MMP11: variants seen among roughly 807,000 people sequenced by gnomAD.
MMP11 encodes stromelysin-3.
Under a neutral mutation model 49.5 loss-of-function variants are expected in MMP11, and 26 were observed. The ratio of observed to expected loss-of-function variants is 0.52; its 90% CI spans 0.38 to 0.73. The LOEUF (loss-of-function observed/expected upper bound fraction) is 0.73. Ranked by LOEUF, MMP11 falls within the 30% of genes least tolerant of loss-of-function variation. MMP11 has a pLI of 0.00. For synonymous variants in MMP11, 265 were observed against 282.3 expected (o/e 0.94, Z 0.62); for missense variants, 624 against 671.2 (o/e 0.93, Z 0.78).
In MMP11 at chr22:23,781,310, CCCGGCTACCCAGCATTGGCCTCTCG is replaced by C; in HGVS notation, c.979_1003del (p.Gly327ThrfsTer49). 1 of 1,612,992 alleles carries C rather than the reference CCCGGCTACCCAGCATTGGCCTCTCG, an allele frequency of 6.2e-7. No homozygotes were observed. Reference sequence around the variant, plus strand: ...GCGCCTCCGTGGGGGCCAGCTGCAGCCCGGCTACCCAGCATTGGCCTCTCGCCACTGGCAGGGACTGCCCAGCCCT... The same window carrying C: ...GCGCCTCCGTGGGGGCCAGCTGCAGCCCACTGGCAGGGACTGCCCAGCCCT... On this transcript the variant is annotated frameshift_variant, in exon 6 of 8. Transcript: ENST00000215743. LOFTEE classifies it high-confidence loss of function.
rs756383287 is a variant in MMP11, at chr22:23,782,413, C to T, written c.1263C>T (p.Pro421=). The T allele has an allele frequency of 7.4e-6, 12 of 1,613,814 alleles. No homozygotes were observed. The highest frequency in any genetic ancestry group is 3.3e-5 in the South Asian group (3 of 91,078). Residue 421 remains proline (P), a synonymous_variant, in exon 7 of 8, where the codon CCC becomes CCT. Coordinates refer to ENST00000215743, the MANE Select transcript of MMP11 (RefSeq NM_005940.5). ...CCAGCACCCGGCGTGTAGACAGTCC[C>T]GTGCCCCGCAGGGCCACTGACTGGA... ...FHPSTRRVDS[P]VPRRATDWRG...
intron 1 of MMP11, 99 bp downstream of exon 1, chr22:23,773,077 T>G (rs1355091264): frequency 2.8e-6 from 3 of 1,063,692 alleles, no homozygotes; most frequent in Non-Finnish European, 3.4e-6. Context: ...GCGCCCCGGG[T>G]GGCCTCCAGC....
chr22:23,779,854 A>G (rs1016803793), intron 2 of MMP11: 7 of 265,528 alleles, frequency 2.6e-5, no homozygotes, highest in Non-Finnish European at 3.6e-5. Context: ...AGGTGGAGAC[A>G]GTGGTAAGCG....
chr22:23,774,445 G>C (rs1273567434), intron 1 of MMP11, among the ~76,000 whole-genome samples: 1 of 152,178 alleles, frequency 6.6e-6, no homozygotes, highest in Non-Finnish European at 1.5e-5. Flanking sequence ...CTTCAGCAAG[G>C]CTGGGAGAGC....
rs757516181 is a variant in MMP11 at position 23,780,474 on chromosome 22, C to T, written c.454C>T (p.Arg152Cys). 5.6e-6 allele frequency: 9 copies of T among 1,613,872 alleles called. No homozygotes were observed. The highest frequency in any genetic ancestry group is 5.0e-5 in the Admixed American group (3 of 59,998). ...PLTFTEVHEG[R>C]ADIMIDFARY... is the part of the protein sequence containing the mutation. Reference sequence around the variant, plus strand: ...CACCTTTACTGAGGTGCACGAGGGCCGTGCTGACATCATGATCGACTTCGC... The same window carrying T: ...CACCTTTACTGAGGTGCACGAGGGCTGTGCTGACATCATGATCGACTTCGC... Residue 152 changes from arginine to cysteine, a missense_variant, in exon 3 of 8, where the codon CGT becomes TGT. Transcript: ENST00000215743. The surrounding 1 kb of genome is among the most constrained non-coding windows in gnomAD (Gnocchi z 4.6).
chr22:23,774,150 G>A (rs770400415), intron 1 of MMP11, among the ~76,000 whole-genome samples: 1 of 152,214 alleles, frequency 6.6e-6, no homozygotes, highest in East Asian at 1.9e-4. Flanking sequence ...GTGACCCTGG[G>A]TGAATCCTGC....
rs1270508457 is a variant in MMP11 at position 23,780,989 on chromosome 22, C to T, written c.747C>T (p.Asp249=). The T allele has an allele frequency of 3.1e-6, 5 of 1,613,644 alleles. No individual in the cohort carries two copies. Among genetic ancestry groups the T allele is most frequent in the Middle Eastern group, 1.6e-4 (1 of 6,062 alleles). ...ACCCACTGAGTCTCAGCCCAGATGA[C>T]TGCAGGGGCGTTCAACACCTATATG... is the stretch of plus-strand genomic sequence containing the variant. ...FRYPLSLSPD[D]CRGVQHLYGQ... Residue 249 remains aspartate (D), a synonymous_variant, in exon 5 of 8, where the codon GAC becomes GAT. Coordinates refer to ENST00000215743, the MANE Select transcript of MMP11 (RefSeq NM_005940.5). This position sits in a 1 kb window ranked among gnomAD's most constrained non-coding sequence, Gnocchi z 4.6.
intron 6 of MMP11, chr22:23,781,999 T>C: frequency 1.5e-6 from 1 of 685,428 alleles, no homozygotes; most frequent in Non-Finnish European, 2.6e-6. Flanking sequence ...CTGATGAGAG[T>C]AACCTCACCC....
chr22:23,774,273 G>A (rs9612425), intron 1 of MMP11, among the ~76,000 whole-genome samples: 1 of 152,178 alleles, frequency 6.6e-6, no homozygotes, highest in Admixed American at 6.5e-5. Flanking sequence ...AGGCTCACTA[G>A]AAACACTGTC....
chr22:23,773,599 GGAGA>G (rs1271403057), intron 1 of MMP11, among the ~76,000 whole-genome samples: 1 of 152,176 alleles, frequency 6.6e-6, no homozygotes, highest in African/African-American at 2.4e-5. Flanking sequence ...AAAGAAGCGG[GGAGA>G]GAAAGGAAAG....
rs1020130023 is a variant in MMP11, at chr22:23,783,431, G to A, written c.1354G>A (p.Gly452Ser). Residue 452 changes from glycine to serine, a missense_variant, in exon 8 of 8, where the codon GGC becomes AGC. Gly to Ser is a moderately conservative substitution (Grantham distance 56). Transcript: ENST00000215743. ...DADGYAYFLRGRLYWKFDPVK... is the reference protein window; with the variant it reads ...DADGYAYFLRSRLYWKFDPVK... ...CTCAGGCTATGCCTACTTCCTGCGC[G>A]GCCGCCTCTACTGGAAGTTTGACCC... 7 of 1,614,172 alleles carry A rather than the reference G, an allele frequency of 4.3e-6. No individual in the cohort carries two copies. The highest frequency in any genetic ancestry group is 5.9e-6 in the Non-Finnish European group (7 of 1,180,026).
intron 1 of MMP11, 114 bp from the exon 2 acceptor site, chr22:23,779,073 C>T: frequency 2.4e-6 from 2 of 838,470 alleles, no homozygotes; most frequent in Non-Finnish European, 3.7e-6. Context: ...CTCCATTTGC[C>T]CAGCCACACA....
rs1468291060 is a variant in MMP11 at position 23,783,487 on chromosome 22, C to T, written c.1410C>T (p.Pro470=). ...AGGTGAAGGCTCTGGAAGGCTTCCC[C>T]CGTCTCGTGGGTCCTGACTTCTTTG... The part of the protein sequence containing the change: ...PVKVKALEGF[P]RLVGPDFFGC... Residue 470 remains proline, a synonymous_variant, in exon 8 of 8, where the codon CCC becomes CCT. Transcript: ENST00000215743. 1.2e-6 allele frequency: 2 copies of T among 1,614,226 alleles called. No individual in the cohort carries two copies. The highest frequency in any genetic ancestry group is 1.7e-6 in the Non-Finnish European group (2 of 1,180,030).
chr22:23,781,975 C>T lies in MMP11; in HGVS notation c.1076-251C>T, dbSNP rs573113863. 2.1e-5 allele frequency: 14 copies of T among 680,656 alleles called. No individual in the cohort carries two copies. The East Asian group carries it at 3.3e-4, about 16-fold the overall frequency. The allele number at this position is 680,656 out of a possible 1,614,324, so 42.2% of individuals were successfully genotyped here. The stretch of plus-strand genomic sequence containing the variant: ...AATGCCAGTGGAAGGAGCAGCCGCC[C>T]AGGCAGCCCTCTACTGATGAGAGTA... On this transcript the variant is annotated intron_variant, in intron 6 of 7. Coordinates refer to ENST00000215743, the MANE Select transcript of MMP11 (RefSeq NM_005940.5).
At chr22:23,778,087 G>T (rs1181457578) in intron 1 of MMP11, among the ~76,000 whole-genome samples, 1 of 152,218 alleles carries the variant, frequency 6.6e-6, no homozygotes, top group East Asian at 1.9e-4. Context: ...CAGTTGCCCA[G>T]ACCAGACAGG....
intron 1 of MMP11, among the ~76,000 whole-genome samples, chr22:23,774,388 G>A (rs997970175): frequency 1.3e-5 from 2 of 152,138 alleles, no homozygotes; most frequent in East Asian, 1.9e-4. Context: ...CTGCAAACAC[G>A]CAGGGAGCAT....
Position 23,772,923 on chromosome 22 carries a change from C to T in MMP11, c.53C>T (p.Pro18Leu), listed in dbSNP as rs905456883. The change falls in exon 1 of 8, where the codon CCG becomes CTG. Residue 18 changes from proline to leucine, a missense_variant. By Grantham distance (98) the Pro-to-Leu change is moderately conservative. Transcript: ENST00000215743. ...GCGGCCGCGCGCGCCCTCCTGCCCC[C>T]GATGCTGCTGCTGCTGCTCCAGCCG... The part of the protein sequence containing the change: ...RSAAARALLP[P>L]MLLLLLQPPP... 8.3e-7 allele frequency: 1 copy of T among 1,207,798 alleles called. No individual in the cohort carries two copies. Among genetic ancestry groups the T allele is most frequent in the Non-Finnish European group, 1.0e-6 (1 of 969,354 alleles). The allele number at this position is 1,207,798 out of a possible 1,614,324, so 74.8% of individuals were successfully genotyped here.
At position 23,774,909 on chromosome 22, in the gene MMP11, G is replaced by A. The variant is rs1191902963; in HGVS notation, c.108+1931G>A. On this transcript the variant is annotated intron_variant, in intron 1 of 7. Coordinates refer to ENST00000215743, the MANE Select transcript of MMP11 (RefSeq NM_005940.5). ...CTGGATTGCAAGTTGACCCCAGGGC[G>A]GGGTTGACTCCGAGTCTCTAAGCTC... 4.6e-5 allele frequency among the ~76,000 whole-genome samples: 7 copies of A among 152,276 alleles called. No individual in the cohort carries two copies. In the South Asian group the frequency reaches 1.0e-3, roughly 23 times the overall value.
At chr22:23,775,205 C>T (rs1927369073) in intron 1 of MMP11, among the ~76,000 whole-genome samples, 1 of 152,226 alleles carries the variant, frequency 6.6e-6, no homozygotes, top group African/African-American at 2.4e-5. Context: ...TCTTGCATGA[C>T]TTGCTGTGTG....
Sources: allele counts gnomAD v4.1 joint callset (sites outside exome capture counted in the v4.1 genomes callset), GRCh38; gene constraint gnomAD v4.1.1; non-coding constraint Gnocchi (gnomAD v3.1); transcripts MANE v1.5; gene names NCBI Gene and HGNC (gene_info 2026-07-23, HGNC 2026-07-21).